The following ZNF791 variants were observed in gnomAD, a reference collection of about 807,000 sequenced individuals.
ZNF791 encodes zinc finger protein 791.
A neutral mutation model predicts 11.5 loss-of-function variants in ZNF791; 4 were observed. That is an observed-to-expected ratio of 0.35 (90% confidence interval 0.17 to 0.80). ZNF791 has a LOEUF of 0.80. ZNF791 is among the 30% of genes least tolerant of loss of function. The probability of loss-of-function intolerance (pLI) is 0.53; values close to 1 mark genes in which losing one functional copy is unlikely to be tolerated. For missense variants in ZNF791, 559 were observed against 699.4 expected, an observed-to-expected ratio of 0.80 and a Z score of 2.26; for synonymous variants, 212 against 228.1, an observed-to-expected ratio of 0.93 and a Z score of 0.64.
intron 1 of ZNF791, among the ~76,000 whole-genome samples, chr19:12,619,511 G>A (rs996573708): frequency 1.4e-5 from 2 of 142,844 alleles, no homozygotes; most frequent in African/African-American, 5.2e-5. Flanking sequence ...GTGCAGTGGC[G>A]CGATCTGGGC....
intron 1 of ZNF791, among the ~76,000 whole-genome samples, chr19:12,614,821 C>T (rs2023215566): frequency 6.8e-6 from 1 of 147,636 alleles, no homozygotes; most frequent in African/African-American, 2.5e-5. Context: ...CTTGAGCTCC[C>T]CACCTAGGTG....
intron 1 of ZNF791, among the ~76,000 whole-genome samples, chr19:12,615,012 CTTTTTTTTTTTTTTTT>C (rs1180146927): frequency 6.0e-5 from 3 of 49,854 alleles, no homozygotes; most frequent in African/African-American, 9.5e-5. Flanking sequence ...CTATGTTCAA[CTTTTTTTTTTTTTTTT>C]TTTTTTTTTG....
Position 12,628,977 on chromosome 19 carries a change from T to G in ZNF791, c.1448T>G (p.Ile483Ser). Residue 483 changes from isoleucine to serine, a missense_variant, in exon 4 of 4, where the codon ATT (isoleucine) becomes AGT (serine). Coordinates refer to ENST00000343325, the MANE Select transcript of ZNF791 (RefSeq NM_153358.3). ...CGKAFSCSSYIRIHKRTHTGE... is the reference protein window; with the variant it reads ...CGKAFSCSSYSRIHKRTHTGE... ...AAAGCCTTTAGTTGTTCTAGTTACA[T>G]TCGGATACATAAAAGAACTCACACT... 6.2e-7 allele frequency: 1 copy of G among 1,614,078 alleles called. No homozygotes were observed. The highest frequency in any genetic ancestry group is 8.5e-7 in the Non-Finnish European group (1 of 1,179,988).
intron 1 of ZNF791, among the ~76,000 whole-genome samples, chr19:12,617,897 A>G (rs1005474440): frequency 6.9e-6 from 1 of 145,284 alleles, no homozygotes; most frequent in African/African-American, 2.6e-5. Flanking sequence ...CGTGCCACAT[A>G]CAGGGCTAAA....
At chr19:12,618,686 C>A (rs2023283608) in intron 1 of ZNF791, among the ~76,000 whole-genome samples, 2 of 151,504 alleles carry the variant, frequency 1.3e-5, no homozygotes, top group Non-Finnish European at 2.9e-5. Context: ...TTGCTTGAAC[C>A]CGGGAGGCGG....
intron 1 of ZNF791, among the ~76,000 whole-genome samples, chr19:12,615,779 CAAAA>C (rs1184737319): frequency 8.6e-5 from 5 of 58,426 alleles, no homozygotes; most frequent in African/African-American, 1.0e-4. Context: ...GACTCCGTCT[CAAAA>C]AAAAAAAAAA....
intron 1 of ZNF791, among the ~76,000 whole-genome samples, chr19:12,618,630 GT>G (rs2023283148): frequency 6.6e-6 from 1 of 151,144 alleles, no homozygotes; most frequent in Admixed American, 6.6e-5. Flanking sequence ...GGGTATGGTG[GT>G]GCGTGCCTGT....
chr19:12,621,828 C>A (rs1599324266), intron 1 of ZNF791, among the ~76,000 whole-genome samples: 1 of 140,088 alleles, frequency 7.1e-6, no homozygotes. Flanking sequence ...GGCGCCTCTG[C>A]CCGGCCACCA....
intron 1 of ZNF791, chr19:12,612,204 TTC>T: frequency 1.2e-6 from 1 of 843,002 alleles, no homozygotes; most frequent in Non-Finnish European, 1.4e-6. Context: ...CATTATTATT[TTC>T]TTTTTTTTTT....
chr19:12,616,676 G>T (rs1186449797), intron 1 of ZNF791, among the ~76,000 whole-genome samples: 1 of 152,134 alleles, frequency 6.6e-6, no homozygotes, highest in Non-Finnish European at 1.5e-5. Flanking sequence ...CTGGGCAACA[G>T]AGCAAGACTG....
intron 1 of ZNF791, among the ~76,000 whole-genome samples, chr19:12,620,017 G>A (rs1366648500): frequency 1.3e-5 from 2 of 151,606 alleles, no homozygotes; most frequent in African/African-American, 4.8e-5. Flanking sequence ...TCCGCCTCCC[G>A]GGTTCCCGCC....
At chr19:12,616,717 C>A (rs1347477360) in intron 1 of ZNF791, among the ~76,000 whole-genome samples, 4 of 152,068 alleles carry the variant, frequency 2.6e-5, no homozygotes, top group South Asian at 2.1e-4. Context: ...AAAAAGAATT[C>A]TTTGGATATT....
At position 12,628,002 on chromosome 19, in the gene ZNF791, A is replaced by G. The variant is rs200738829; in HGVS notation, c.473A>G (p.Lys158Arg). 68 of 1,613,624 alleles carry G rather than the reference A, an allele frequency of 4.2e-5. No individual in the cohort carries two copies. Among genetic ancestry groups the G allele is most frequent in the Non-Finnish European group, 5.5e-5 (65 of 1,179,862 alleles). Residue 158 changes from lysine to arginine, a missense_variant, in exon 4 of 4, where the codon AAA (lysine) becomes AGA (arginine). Physicochemically the swap from Lys to Arg is conservative, Grantham distance 26 (BLOSUM62 2). Transcript: ENST00000343325. Reference sequence around the variant, plus strand: ...CATGAAAGGAGTCACACTGGAGAAAAACCCTATAAATGTAAACAATGTGGA... The same window carrying G: ...CATGAAAGGAGTCACACTGGAGAAAGACCCTATAAATGTAAACAATGTGGA... ...QRHERSHTGE[K>R]PYKCKQCGKT... is the part of the protein sequence containing the mutation.
In ZNF791 at chr19:12,613,205, C is replaced by G. The variant is rs113655076; in HGVS notation, c.3+2123C>G. 2.3e-3 allele frequency among the ~76,000 whole-genome samples: 353 copies of G among 151,884 alleles called. 3 individuals are homozygous for G. Among genetic ancestry groups the G allele is most frequent in the Non-Finnish European group, 4.4e-3 (296 of 67,964 alleles). Reference sequence around the variant, plus strand: ...GAACTCCGGACCGCAGGTGATCCACCCGCCTCAGCCTCCCAAAGTGCTGGG... The same window carrying G: ...GAACTCCGGACCGCAGGTGATCCACGCGCCTCAGCCTCCCAAAGTGCTGGG... On this transcript the variant is annotated intron_variant, in intron 1 of 3. Coordinates refer to ENST00000343325, the MANE Select transcript of ZNF791 (RefSeq NM_153358.3).
intron 3 of ZNF791, among the ~76,000 whole-genome samples, chr19:12,626,722 A>G (rs1349434306): frequency 6.6e-6 from 1 of 151,870 alleles, no homozygotes; most frequent in African/African-American, 2.4e-5. Context: ...CTCCTGCCTC[A>G]GCCTCCCGAG....
In ZNF791 at chr19:12,623,594, C is replaced by T. The variant is rs2023384001; in HGVS notation, c.4-106C>T. 2.8e-6 allele frequency: 4 copies of T among 1,452,182 alleles called. No individual in the cohort carries two copies. In the Admixed American group the frequency reaches 5.5e-5, roughly 20 times the overall value. The allele number at this position is 1,452,182 out of a possible 1,614,324, so 90.0% of individuals were successfully genotyped here. On this transcript the variant is annotated intron_variant, in intron 1 of 3. Transcript: ENST00000343325. ...ACATTTCTAACAATTGAGTCATGCA[C>T]TAAATGTTTGGAGACCACAAAATCG...
In ZNF791 at chr19:12,623,730, AGCT is replaced by A. The variant is rs1311570610; in HGVS notation, c.35_37del (p.Ser12_Phe13delinsIle). 6.2e-7 allele frequency: 1 copy of A among 1,613,986 alleles called. No homozygotes were observed. Among genetic ancestry groups the A allele is most frequent in the Non-Finnish European group, 8.5e-7 (1 of 1,179,978 alleles). Reference sequence around the variant, plus strand: ...AGTGGCTTTTGAGGATGTGTCTGTGAGCTTCAGCCAGGAGGAGTGGGCTCTGCT... The same window carrying A: ...AGTGGCTTTTGAGGATGTGTCTGTGATCAGCCAGGAGGAGTGGGCTCTGCT... On this transcript the variant is annotated inframe_deletion, in exon 2 of 4. Transcript: ENST00000343325.
chr19:12,621,210 A>C (rs1242105917), intron 1 of ZNF791, among the ~76,000 whole-genome samples: 1 of 152,154 alleles, frequency 6.6e-6, no homozygotes, highest in African/African-American at 2.4e-5. Context: ...AGATGACATG[A>C]TTATGGATCT....
chr19:12,622,423 A>AAC (rs1419840448), intron 1 of ZNF791, among the ~76,000 whole-genome samples: 9 of 146,584 alleles, frequency 6.1e-5, no homozygotes, highest in Non-Finnish European at 1.2e-4. Context: ...AAAAAAAAAA[A>AAC]AAAAAAAAAC....
Sources: allele counts gnomAD v4.1 joint callset (sites outside exome capture counted in the v4.1 genomes callset), GRCh38; gene constraint gnomAD v4.1.1; transcripts MANE v1.5; gene names NCBI Gene and HGNC (gene_info 2026-07-23, HGNC 2026-07-21).